The following EMID1 variants were observed in gnomAD, a reference collection of about 807,000 sequenced individuals.
EMID1 encodes the protein EMI domain-containing protein 1.
EMID1 carries 40 observed loss-of-function variants against 60.6 expected under a neutral mutation model. The observed-to-expected ratio is 0.66, with a 90% CI of 0.51 to 0.86. The LOEUF (loss-of-function observed/expected upper bound fraction) is 0.86. Ranked by LOEUF, EMID1 falls within the 40% of genes least tolerant of loss-of-function variation. EMID1 has a pLI of 0.00. For synonymous variants in EMID1, 242 were observed against 231.0 expected (o/e 1.05, Z -0.43); for missense variants, 585 against 597.1 (o/e 0.98, Z 0.21).
Position 29,233,643 on chromosome 22 carries a change from G to A in EMID1, c.943G>A (p.Val315Ile), listed in dbSNP as rs143407732. ...CCCTGGGCCTCCTGGCCCCACAGGT[G>A]TCCCTGGGAGTCCTGGTCACATAGT... is the stretch of plus-strand genomic sequence containing the variant. ...GPPGPPGPTGVPGSPGHIGPP... is the reference protein window; with the variant it reads ...GPPGPPGPTGIPGSPGHIGPP... Residue 315 changes from valine to isoleucine, a missense_variant, in exon 10 of 15, where the codon GTC becomes ATC. Coordinates refer to ENST00000334018, the MANE Select transcript of EMID1 (RefSeq NM_133455.4). 6.2e-7 allele frequency: 1 copy of A among 1,613,810 alleles called. No individual in the cohort carries two copies. The highest frequency in any genetic ancestry group is 8.5e-7 in the Non-Finnish European group (1 of 1,179,846).
chr22:29,241,932 A>G (rs1403548277), intron 12 of EMID1, among the ~76,000 whole-genome samples: 2 of 151,782 alleles, frequency 1.3e-5, no homozygotes, highest in African/African-American at 2.4e-5. Context: ...CTTTTTTGAG[A>G]TAGGGTCTTG....
chr22:29,231,623 C>T lies in EMID1; in HGVS notation c.617C>T (p.Pro206Leu). The change falls in exon 7 of 15, where the codon CCC (proline) becomes CTC (leucine). Residue 206 changes from proline to leucine, a missense_variant. Physicochemically the swap from Pro to Leu is moderately conservative, Grantham distance 98. Coordinates refer to ENST00000334018, the MANE Select transcript of EMID1 (RefSeq NM_133455.4). ...DQVGAWGLPG[P>L]TGPKGDAGSR... Reference sequence around the variant, plus strand: ...GTCGGTGCTTGGGGGCTTCCCGGGCCCACCGGCCCCAAGGGAGATGCCGGC... The same window carrying T: ...GTCGGTGCTTGGGGGCTTCCCGGGCTCACCGGCCCCAAGGGAGATGCCGGC... 1 of 1,515,830 alleles carries T rather than the reference C, an allele frequency of 6.6e-7. No homozygotes were observed. Among genetic ancestry groups the T allele is most frequent in the Non-Finnish European group, 8.9e-7 (1 of 1,128,346 alleles). The allele number at this position is 1,515,830 out of a possible 1,614,324, so 93.9% of individuals were successfully genotyped here.
intron 1 of EMID1, among the ~76,000 whole-genome samples, chr22:29,209,509 C>A (rs1014061773): frequency 1.3e-5 from 2 of 151,856 alleles, no homozygotes; most frequent in Non-Finnish European, 2.9e-5. Context: ...GTGGAAACCT[C>A]GGGTCCCAGC....
At chr22:29,228,601 GA>G (rs2040614780) in intron 5 of EMID1, among the ~76,000 whole-genome samples, 1 of 152,210 alleles carries the variant, frequency 6.6e-6, no homozygotes, top group Admixed American at 6.5e-5. Context: ...TTTTGATTCA[GA>G]AACAGGGTCT....
In EMID1 at chr22:29,258,964, G is replaced by C; in HGVS notation, c.*20G>C. 2 of 1,607,112 alleles carry C rather than the reference G, an allele frequency of 1.2e-6. No homozygotes were observed. Among genetic ancestry groups the C allele is most frequent in the South Asian group, 2.2e-5 (2 of 90,288 alleles). ...GGCTGAGGGTGGTGGCGGCCCCTGA[G>C]GCAGACCAGGCCAGGCTTCCCCTCC... On this transcript the variant is annotated 3_prime_UTR_variant, in exon 15 of 15. Transcript: ENST00000334018.
intron 13 of EMID1, among the ~76,000 whole-genome samples, chr22:29,247,050 C>T (rs1259446427): frequency 1.3e-5 from 2 of 152,160 alleles, no homozygotes; most frequent in African/African-American, 4.8e-5. Flanking sequence ...TCAATCACAG[C>T]TCACTGCAAC....
intron 14 of EMID1, among the ~76,000 whole-genome samples, chr22:29,256,613 A>G (rs1341853187): frequency 6.6e-6 from 1 of 152,074 alleles, no homozygotes; most frequent in Admixed American, 6.6e-5. Context: ...TGGAGTACAG[A>G]TAGGTGCTGG....
At chr22:29,215,718 A>G in intron 3 of EMID1, 88 bp downstream of exon 3, 1 of 1,002,462 alleles carries the variant, frequency 1.0e-6, no homozygotes, top group Non-Finnish European at 1.6e-6. Flanking sequence ...CTATTAAGAG[A>G]GTCATGCACA....
intron 3 of EMID1, among the ~76,000 whole-genome samples, chr22:29,224,270 G>A (rs1396985449): frequency 6.6e-6 from 1 of 152,210 alleles, no homozygotes; most frequent in Non-Finnish European, 1.5e-5. Flanking sequence ...GCCTTATTTG[G>A]GTCTTGTCTC....
intron 12 of EMID1, among the ~76,000 whole-genome samples, chr22:29,235,107 G>T (rs915710376): frequency 1.3e-5 from 2 of 152,076 alleles, no homozygotes; most frequent in Admixed American, 6.6e-5. Flanking sequence ...TAGCACTTTG[G>T]GGGGCTGAGA....
At position 29,214,046 on chromosome 22, in the gene EMID1, A is replaced by G. The variant is rs1272973505; in HGVS notation, c.102-880A>G. Among the ~76,000 whole-genome samples the G allele has an allele frequency of 4.6e-5, 7 of 152,360 alleles. No individual in the cohort carries two copies. In the East Asian group the frequency reaches 1.2e-3, roughly 25 times the overall value. Reference sequence around the variant, plus strand: ...AGGATAGTGTAAATACCTTTAGCATATAATAAGTGCTCAATATGTGCAGTG... The same window carrying G: ...AGGATAGTGTAAATACCTTTAGCATGTAATAAGTGCTCAATATGTGCAGTG... On this transcript the variant is annotated intron_variant, in intron 1 of 14. Transcript: ENST00000334018.
At chr22:29,229,004 G>A (rs184262107) in intron 5 of EMID1, among the ~76,000 whole-genome samples, 13 of 152,264 alleles carry the variant, frequency 8.5e-5, no homozygotes, top group Non-Finnish European at 2.9e-5. Flanking sequence ...CATTCTATGG[G>A]GCATTCAGCA....
chr22:29,232,883 G>A (rs1283257752), intron 8 of EMID1: 3 of 180,072 alleles, frequency 1.7e-5, no homozygotes, highest in South Asian at 2.8e-4. Context: ...AGGGGTCAGA[G>A]TGTGGAGCGC....
intron 1 of EMID1, among the ~76,000 whole-genome samples, chr22:29,210,250 ATTTTT>A (rs132374): frequency 7.9e-6 from 1 of 126,866 alleles, no homozygotes; most frequent in Non-Finnish European, 1.7e-5. Flanking sequence ...CACATGGCAA[ATTTTT>A]TTTTTTTTTT....
rs1340132555 is a variant in EMID1, at chr22:29,225,637, G to A, written c.403+421G>A. ...AAAGAGGAGGAAGCTGAAGGTCTCC[G>A]ACCTCCCTGCCCTGCCCCGCCCCAG... On this transcript the variant is annotated intron_variant, in intron 4 of 14. Coordinates refer to ENST00000334018, the MANE Select transcript of EMID1 (RefSeq NM_133455.4). 4.6e-5 allele frequency among the ~76,000 whole-genome samples: 7 copies of A among 152,152 alleles called. No homozygotes were observed. In the East Asian group the frequency reaches 5.8e-4, roughly 13 times the overall value.
At chr22:29,215,261 T>G in intron 2 of EMID1, 1 of 985,434 alleles carries the variant, frequency 1.0e-6, no homozygotes, top group Non-Finnish European at 1.2e-6. Flanking sequence ...CCTGCATTCC[T>G]TTACTCAGTG....
intron 12 of EMID1, among the ~76,000 whole-genome samples, chr22:29,239,086 T>G (rs2041065304): frequency 6.9e-6 from 1 of 144,234 alleles, no homozygotes. Context: ...TTCTTGGATA[T>G]TCTGTTCTAT....
rs1184795977 is a variant in EMID1 at position 29,255,666 on chromosome 22, C to T, written c.1204+1379C>T. 10 of 262,642 alleles carry T rather than the reference C, an allele frequency of 3.8e-5. No homozygotes were observed. In the East Asian group the frequency reaches 5.3e-4, roughly 14 times the overall value. 16.3% of individuals were successfully genotyped at this position (262,642 alleles called of 1,614,324 possible). The stretch of plus-strand genomic sequence containing the variant: ...GAGAACCCTGACACTGGTAGAGAAA[C>T]CCAGGTGAGCTACACTGCAGGAAAG... On this transcript the variant is annotated intron_variant, in intron 14 of 14. Coordinates refer to ENST00000334018, the MANE Select transcript of EMID1 (RefSeq NM_133455.4).
intron 14 of EMID1, 156 bp downstream of exon 14, chr22:29,254,443 C>T: frequency 2.9e-6 from 2 of 685,196 alleles, no homozygotes; most frequent in Middle Eastern, 6.6e-4. Flanking sequence ...AACCACCCTT[C>T]CCTCAATGAC....
Sources: allele counts gnomAD v4.1 joint callset (sites outside exome capture counted in the v4.1 genomes callset), GRCh38; gene constraint gnomAD v4.1.1; transcripts MANE v1.5; gene names NCBI Gene and HGNC (gene_info 2026-07-23, HGNC 2026-07-21).